Variants in XKR9 observed in about 807,000 individuals in gnomAD.
The protein encoded by XKR9 is XK related 9, also known as XK-related protein 9.
Under a neutral mutation model 32.0 loss-of-function variants are expected in XKR9, and 32 were observed. The ratio of observed to expected loss-of-function variants is 1.00; its 90% CI spans 0.76 to 1.34. The LOEUF (loss-of-function observed/expected upper bound fraction) is 1.34, where lower values mean the gene tolerates loss of function less well. Ranked by LOEUF, XKR9 falls within the 40% of genes most tolerant of loss-of-function variation. The pLI, the probability that XKR9 is intolerant of heterozygous loss-of-function variation, is 0.00. For missense variants in XKR9, 546 were observed against 429.7 expected, an observed-to-expected ratio of 1.27 and a Z score of -2.39; for synonymous variants, 168 against 143.4, an observed-to-expected ratio of 1.17 and a Z score of -1.22.
intron 4 of XKR9, among the ~76,000 whole-genome samples, chr8:70,715,859 CTG>C (rs540157826): frequency 7.2e-4 from 110 of 151,922 alleles, no homozygotes; most frequent in African/African-American, 2.5e-3. Context: ...TCAAGCAAAA[CTG>C]TATCAAGTAT....
intron 3 of XKR9, among the ~76,000 whole-genome samples, chr8:70,705,224 G>A (rs1805679319): frequency 7.0e-6 from 1 of 143,260 alleles, no homozygotes; most frequent in Non-Finnish European, 1.6e-5. Flanking sequence ...TATTTCTTGA[G>A]CACCTATTAT....
At chr8:70,697,060 T>A (rs1220753456) in intron 3 of XKR9, among the ~76,000 whole-genome samples, 89 of 151,910 alleles carry the variant, frequency 5.9e-4, no homozygotes, top group Middle Eastern at 3.4e-3. Flanking sequence ...CCGAAGTTGC[T>A]TATCAGCTTA....
intron 4 of XKR9, among the ~76,000 whole-genome samples, chr8:70,731,402 A>C (rs920162282): frequency 6.6e-6 from 1 of 151,920 alleles, no homozygotes; most frequent in Non-Finnish European, 1.5e-5. Flanking sequence ...ACTTTTGATG[A>C]CCCTGCTTGA....
chr8:70,822,071 T>C, the XKR9 span, among the ~76,000 whole-genome samples: 1 of 152,168 alleles, frequency 6.6e-6, no homozygotes, highest in Non-Finnish European at 1.5e-5. Context: ...TTTCAATTCC[T>C]TTATATCTAT....
intron 3 of XKR9, among the ~76,000 whole-genome samples, chr8:70,697,924 T>C (rs1329313934): frequency 6.6e-6 from 1 of 151,990 alleles, no homozygotes; most frequent in Non-Finnish European, 1.5e-5. Context: ...AGGGTGTATG[T>C]GTCGAGGAAT....
At chr8:70,854,249 G>A in the XKR9 span, among the ~76,000 whole-genome samples, 1 of 152,150 alleles carries the variant, frequency 6.6e-6, no homozygotes, top group Non-Finnish European at 1.5e-5. Flanking sequence ...TCTCATTGTG[G>A]TTTTGATTTG....
intron 3 of XKR9, among the ~76,000 whole-genome samples, chr8:70,706,258 A>T (rs1453705743): frequency 6.6e-6 from 1 of 152,120 alleles, no homozygotes; most frequent in Non-Finnish European, 1.5e-5. Flanking sequence ...CTATGGGATG[A>T]TAACTTGTGT....
At chr8:71,061,731 G>A in the XKR9 span, among the ~76,000 whole-genome samples, 2 of 152,120 alleles carry the variant, frequency 1.3e-5, no homozygotes, top group Non-Finnish European at 2.9e-5. Flanking sequence ...GTATCCCAAG[G>A]GAGTGAGAAG....
intron 2 of XKR9, among the ~76,000 whole-genome samples, chr8:70,775,449 A>G (rs1404832668): frequency 6.6e-6 from 1 of 152,114 alleles, no homozygotes; most frequent in Non-Finnish European, 1.5e-5. Context: ...AGCTGTAGAT[A>G]TTTAGTAGAT....
chr8:70,916,036 C>T, the XKR9 span, among the ~76,000 whole-genome samples: 1 of 152,130 alleles, frequency 6.6e-6, no homozygotes, highest in Non-Finnish European at 1.5e-5. Flanking sequence ...GGTTTCCCTC[C>T]TTTACTATCC....
chr8:70,834,934 T>C, the XKR9 span, among the ~76,000 whole-genome samples: 1 of 151,966 alleles, frequency 6.6e-6, no homozygotes, highest in African/African-American at 2.4e-5. Flanking sequence ...TACCAGTGAA[T>C]CTCTGTGCTG....
intron 3 of XKR9, among the ~76,000 whole-genome samples, chr8:70,789,726 T>G (rs977084549): frequency 7.1e-5 from 8 of 112,284 alleles, no homozygotes; most frequent in African/African-American, 2.3e-4. Context: ...TTTTTTTTAG[T>G]TAATAAAACA....
At chr8:70,906,654 G>C in the XKR9 span, among the ~76,000 whole-genome samples, 2 of 152,166 alleles carry the variant, frequency 1.3e-5, no homozygotes, top group African/African-American at 4.8e-5. Flanking sequence ...CATTCAGCTT[G>C]AATGATAAAT....
intron 2 of XKR9, among the ~76,000 whole-genome samples, chr8:70,779,399 G>C (rs1807583824): frequency 6.6e-6 from 1 of 152,094 alleles, no homozygotes; most frequent in African/African-American, 2.4e-5. Context: ...CAGGGATATT[G>C]GCCTAACATT....
At chr8:70,875,434 C>T in the XKR9 span, among the ~76,000 whole-genome samples, 1 of 152,140 alleles carries the variant, frequency 6.6e-6, no homozygotes, top group African/African-American at 2.4e-5. Context: ...ATTTTGTGTT[C>T]TCTTCACAAG....
Position 70,707,271 on chromosome 8 carries a change from A to G in XKR9, c.493+118A>G, listed in dbSNP as rs983909315. 5.6e-6 allele frequency: 4 copies of G among 715,822 alleles called. No homozygotes were observed. In the African/African-American group the frequency reaches 7.1e-5, roughly 13 times the overall value. The allele number at this position is 715,822 out of a possible 1,614,324, so 44.3% of individuals were successfully genotyped here. On this transcript the variant is annotated intron_variant, in intron 4 of 4. Transcript: ENST00000408926. ...ACTTTAAAAATTATTTATTCTTTTGAAAAGGAAGTACAGTAACATGGTTGA... is the reference window on the plus strand; with the variant it reads ...ACTTTAAAAATTATTTATTCTTTTGGAAAGGAAGTACAGTAACATGGTTGA...
the XKR9 span, among the ~76,000 whole-genome samples, chr8:70,909,505 A>G: frequency 1.3e-5 from 2 of 151,936 alleles, no homozygotes; most frequent in African/African-American, 4.8e-5. Flanking sequence ...ATTACTTGAC[A>G]TTGAAGTAAT....
chr8:70,814,814 T>C, the XKR9 span, among the ~76,000 whole-genome samples: 1 of 152,200 alleles, frequency 6.6e-6, no homozygotes, highest in South Asian at 2.1e-4. Flanking sequence ...ATTATTCCTC[T>C]TCACTGATGG....
the XKR9 span, among the ~76,000 whole-genome samples, chr8:70,906,068 C>CG: frequency 4.9e-4 from 74 of 152,290 alleles, no homozygotes; most frequent in Admixed American, 1.4e-3. Context: ...TTAGGCTACT[C>CG]GGGGGTCAGG....
Sources: allele counts gnomAD v4.1 joint callset (sites outside exome capture counted in the v4.1 genomes callset), GRCh38; gene constraint gnomAD v4.1.1; transcripts MANE v1.5; gene names NCBI Gene and HGNC (gene_info 2026-07-23, HGNC 2026-07-21).